DCLK2: variants seen among roughly 807,000 people sequenced by gnomAD.
DCLK2 encodes serine/threonine-protein kinase DCLK2.
DCLK2 carries 31 observed loss-of-function variants against 78.4 expected under a neutral mutation model. The observed-to-expected ratio is 0.40, with a 90% CI of 0.30 to 0.53. The LOEUF is 0.53. Ranked by LOEUF, DCLK2 falls within the 20% of genes least tolerant of loss-of-function variation. The pLI is 0.61. For missense variants in DCLK2, 872 were observed against 973.7 expected, an observed-to-expected ratio of 0.90 and a Z score of 1.39; for synonymous variants, 407 against 374.9, an observed-to-expected ratio of 1.09 and a Z score of -0.99.
At chr4:150,177,301 C>T (rs1260423809) in intron 2 of DCLK2, among the ~76,000 whole-genome samples, 1 of 151,924 alleles carries the variant, frequency 6.6e-6, no homozygotes, top group East Asian at 1.9e-4. Context: ...TTTTAAAATG[C>T]TTTTTTTTCC....
At chr4:150,122,711 C>G (rs921358110) in intron 2 of DCLK2, among the ~76,000 whole-genome samples, 3 of 152,166 alleles carry the variant, frequency 2.0e-5, no homozygotes, top group Non-Finnish European at 4.4e-5. Flanking sequence ...ATGTAACAAA[C>G]CTGCACATTC....
rs182302802 is a variant in DCLK2, at chr4:150,245,421, A to C, written c.1779-2182A>C. Among the ~76,000 whole-genome samples the C allele has an allele frequency of 1.5e-3, 233 of 151,794 alleles. 4 individuals are homozygous for C. The East Asian group carries it at 0.042, about 27-fold the overall frequency. On this transcript the variant is annotated intron_variant, in intron 12 of 15. Transcript: ENST00000296550. Reference sequence around the variant, plus strand: ...TCTAGGGTACATGTGCCCAACGTGCAGGTTTGTTACATATGTATACATGCG... The same window carrying C: ...TCTAGGGTACATGTGCCCAACGTGCCGGTTTGTTACATATGTATACATGCG...
intron 7 of DCLK2, 52 bp downstream of exon 7, chr4:150,221,837 A>G: frequency 8.5e-7 from 1 of 1,173,814 alleles, no homozygotes; most frequent in Non-Finnish European, 1.2e-6. Flanking sequence ...TAAATAATGA[A>G]AACTGTATCA....
chr4:150,164,748 G>A (rs957648028), intron 2 of DCLK2, among the ~76,000 whole-genome samples: 8 of 152,098 alleles, frequency 5.3e-5, no homozygotes, highest in African/African-American at 1.9e-4. Flanking sequence ...GCAGTGAGCT[G>A]AGATTGTGCC....
intron 8 of DCLK2, among the ~76,000 whole-genome samples, chr4:150,226,142 T>C (rs1335352340): frequency 1.3e-5 from 2 of 152,094 alleles, no homozygotes; most frequent in East Asian, 3.9e-4. Context: ...TAACAGGAAA[T>C]GTAAAATATT....
intron 1 of DCLK2, among the ~76,000 whole-genome samples, chr4:150,090,714 A>C (rs1580479629): frequency 6.6e-6 from 1 of 152,124 alleles, no homozygotes; most frequent in Non-Finnish European, 1.5e-5. Flanking sequence ...ATTTGTGGAC[A>C]TACCTATTTC....
intron 10 of DCLK2, 87 bp from the exon 11 acceptor site, chr4:150,239,655 T>C: frequency 6.7e-7 from 1 of 1,487,284 alleles, no homozygotes; most frequent in Non-Finnish European, 9.2e-7. Context: ...TAAATGTATT[T>C]GTGTCCTTTC....
chr4:150,141,607 T>C (rs186568892), intron 2 of DCLK2, among the ~76,000 whole-genome samples: 1 of 152,298 alleles, frequency 6.6e-6, no homozygotes, highest in Admixed American at 6.5e-5. Flanking sequence ...TTGTCACTTT[T>C]CTTCAGAGAG....
chr4:150,168,271 C>A (rs578235872), intron 2 of DCLK2, among the ~76,000 whole-genome samples: 3 of 151,540 alleles, frequency 2.0e-5, no homozygotes, highest in East Asian at 3.9e-4. Flanking sequence ...TAAGTAAACC[C>A]GGCAGGCAGA....
intron 2 of DCLK2, among the ~76,000 whole-genome samples, chr4:150,170,371 TA>T (rs1248498230): frequency 6.6e-6 from 1 of 152,090 alleles, no homozygotes; most frequent in Non-Finnish European, 1.5e-5. Flanking sequence ...AAGAAAAAGA[TA>T]AAGGAAATAA....
chr4:150,224,667 A>G (rs974772345), intron 8 of DCLK2, 109 bp downstream of exon 8: 1 of 779,048 alleles, frequency 1.3e-6, no homozygotes, highest in African/African-American at 1.8e-5. Flanking sequence ...TCACAGCAGG[A>G]GTAGAGACCA....
intron 1 of DCLK2, among the ~76,000 whole-genome samples, chr4:150,085,897 G>C (rs182233394): frequency 6.6e-6 from 1 of 152,224 alleles, no homozygotes; most frequent in East Asian, 1.9e-4. Flanking sequence ...GTCTTCTTTC[G>C]CCTCTAAAGT....
intron 2 of DCLK2, among the ~76,000 whole-genome samples, chr4:150,192,805 A>G (rs1326837852): frequency 1.3e-5 from 2 of 152,164 alleles, no homozygotes; most frequent in Non-Finnish European, 2.9e-5. Context: ...TACTAAACTG[A>G]GAGCAGAGGC....
chr4:150,242,586 G>A (rs949182852), intron 12 of DCLK2, among the ~76,000 whole-genome samples: 1 of 152,140 alleles, frequency 6.6e-6, no homozygotes, highest in Non-Finnish European at 1.5e-5. Flanking sequence ...TGCACACCTG[G>A]TAGGTGGCTC....
At chr4:150,164,535 A>T (rs898889559) in intron 2 of DCLK2, among the ~76,000 whole-genome samples, 3 of 152,246 alleles carry the variant, frequency 2.0e-5, no homozygotes, top group Non-Finnish European at 4.4e-5. Flanking sequence ...GTGGTGGCTC[A>T]CACCTGTAAT....
intron 1 of DCLK2, among the ~76,000 whole-genome samples, chr4:150,096,474 G>A (rs1166066902): frequency 1.3e-5 from 2 of 152,042 alleles, no homozygotes; most frequent in Non-Finnish European, 2.9e-5. Context: ...GGTGGTTGAA[G>A]CCATGGATAA....
rs762513627 is a variant in DCLK2 at position 150,079,108 on chromosome 4, C to T, written c.81C>T (p.Ala27=). The change falls in exon 1 of 16, where the codon GCC becomes GCT. Residue 27 remains alanine, a synonymous_variant. Coordinates refer to ENST00000296550, the MANE Select transcript of DCLK2 (RefSeq NM_001040260.4). ...CGCGGCCGGGGTCGCGGAGAGGGGC[C>T]CCCAGCTCCTCCGGGGGCAGCAGCA... ...KRPRPGSRRG[A]PSSSGGSSSS... is the part of the protein sequence containing the mutation. 6.4e-7 allele frequency: 1 copy of T among 1,572,216 alleles called. No homozygotes were observed. The highest frequency in any genetic ancestry group is 8.6e-7 in the Non-Finnish European group (1 of 1,161,648).
chr4:150,145,318 A>G (rs925627197), intron 2 of DCLK2, among the ~76,000 whole-genome samples: 1 of 152,130 alleles, frequency 6.6e-6, no homozygotes, highest in African/African-American at 2.4e-5. Context: ...TTGTTAAGGG[A>G]GCAAACTATG....
intron 1 of DCLK2, among the ~76,000 whole-genome samples, chr4:150,090,539 A>T (rs1729985937): frequency 9.2e-6 from 1 of 108,456 alleles, no homozygotes; most frequent in African/African-American, 3.0e-5. Context: ...CAGATCACAG[A>T]TCTGATCTGC....
Sources: allele counts gnomAD v4.1 joint callset (sites outside exome capture counted in the v4.1 genomes callset), GRCh38; gene constraint gnomAD v4.1.1; transcripts MANE v1.5; gene names NCBI Gene and HGNC (gene_info 2026-07-23, HGNC 2026-07-21).